The following ITPR1 variants were observed in gnomAD, a reference collection of about 807,000 sequenced individuals.
The protein encoded by ITPR1 is inositol 1,4,5-trisphosphate receptor type 1.
Under a neutral mutation model 318.4 loss-of-function variants are expected in ITPR1, and 96 were observed. The ratio of observed to expected loss-of-function variants is 0.30; its 90% confidence interval spans 0.26 to 0.36. ITPR1 has a LOEUF of 0.36. Ranked by LOEUF, ITPR1 falls within the 10% of genes least tolerant of loss-of-function variation. The pLI, the probability that ITPR1 is intolerant of heterozygous loss-of-function variation, is 1.00. For missense variants in ITPR1, 2,440 were observed against 3,460.2 expected, an observed-to-expected ratio of 0.71 and a Z score of 7.40; for synonymous variants, 1,312 against 1,289.9, an observed-to-expected ratio of 1.02 and a Z score of -0.37.
Position 4,782,753 on chromosome 3 carries a change from C to G in ITPR1, c.6510+12C>G. On this transcript the variant is annotated intron_variant, in intron 50 of 61. Transcript: ENST00000649015. ...TATTAGCCCATCAGGTATGATCTCTCCTGTGCCTCCTCTGGATGCTGCCTC... is the reference window on the plus strand; with the variant it reads ...TATTAGCCCATCAGGTATGATCTCTGCTGTGCCTCCTCTGGATGCTGCCTC... 1 of 1,470,968 alleles carries G rather than the reference C, an allele frequency of 6.8e-7. No individual in the cohort carries two copies. Among genetic ancestry groups the G allele is most frequent in the Non-Finnish European group, 9.0e-7 (1 of 1,105,348 alleles). 91.1% of individuals were successfully genotyped at this position (1,470,968 alleles called of 1,614,324 possible). A position where few individuals can be genotyped will look rare whatever the true frequency, so the allele number is the denominator to read the frequency against.
At chr3:4,581,885 A>C (rs1017781437) in intron 4 of ITPR1, among the ~76,000 whole-genome samples, 9 of 151,586 alleles carry the variant, frequency 5.9e-5, no homozygotes, top group Non-Finnish European at 1.0e-4. Context: ...TTTCTTTTTT[A>C]TTGCTTAAAA....
chr3:4,572,181 G>T (rs2088079663), intron 4 of ITPR1, among the ~76,000 whole-genome samples: 1 of 152,096 alleles, frequency 6.6e-6, no homozygotes, highest in African/African-American at 2.4e-5. Flanking sequence ...CTTCAGCCTA[G>T]ACTTCTCCCT....
At position 4,669,602 on chromosome 3, in the gene ITPR1, G is replaced by A. The variant is rs1478980957; in HGVS notation, c.1887-52G>A. 5 of 1,547,694 alleles carry A rather than the reference G, an allele frequency of 3.2e-6. No homozygotes were observed. In the African/African-American group the frequency reaches 5.4e-5, roughly 17 times the overall value. ...CTTAAGGAAGAATTGGGGTCCAGGAGCCTAACCTCTGCTCTATCTACAGAA... is the reference window on the plus strand; with the variant it reads ...CTTAAGGAAGAATTGGGGTCCAGGAACCTAACCTCTGCTCTATCTACAGAA... On this transcript the variant is annotated intron_variant, in intron 18 of 61. Transcript: ENST00000649015.
chr3:4,655,734 G>C (rs973712680), intron 12 of ITPR1, among the ~76,000 whole-genome samples: 9 of 152,162 alleles, frequency 5.9e-5, no homozygotes, highest in African/African-American at 1.9e-4. Flanking sequence ...GCGTCAGAGA[G>C]GCGGATGTGC....
chr3:4,699,552 G>A (rs535854610), intron 34 of ITPR1, among the ~76,000 whole-genome samples: 5 of 152,272 alleles, frequency 3.3e-5, no homozygotes, highest in East Asian at 3.9e-4. Flanking sequence ...CCAGACACAC[G>A]TAGGAAGCTG....
chr3:4,513,580 A>G (rs1339010975), intron 2 of ITPR1, among the ~76,000 whole-genome samples: 1 of 152,172 alleles, frequency 6.6e-6, no homozygotes, highest in Non-Finnish European at 1.5e-5. Context: ...TTATTCACTT[A>G]TCTCGGCCAC....
Position 4,688,503 on chromosome 3 carries a change from T to C in ITPR1, c.3711T>C (p.Asp1237=), listed in dbSNP as rs781522073. 9 of 1,613,962 alleles carry C rather than the reference T, an allele frequency of 5.6e-6. 1 individual carries two copies. In the South Asian group the frequency reaches 9.9e-5, roughly 18 times the overall value. Residue 1237 remains aspartate (D), a synonymous_variant, in exon 31 of 62, where the codon GAT becomes GAC. Coordinates refer to ENST00000649015, the MANE Select transcript of ITPR1 (RefSeq NM_001378452.1). ...LLQIPYEKAE[D]TKMQEIMRLA... is the part of the protein sequence containing the mutation. ...TGTCTCCTCCCACACAGGCCGAAGA[T>C]ACCAAGATGCAAGAGATAATGAGGT...
intron 2 of ITPR1, among the ~76,000 whole-genome samples, chr3:4,499,431 C>T (rs140645889): frequency 2.1e-4 from 32 of 152,174 alleles, no homozygotes; most frequent in African/African-American, 7.7e-4. Flanking sequence ...AATGTGCCTA[C>T]CCCTTTGATG....
At chr3:4,606,429 A>C (rs1324553886) in intron 4 of ITPR1, among the ~76,000 whole-genome samples, 2 of 152,144 alleles carry the variant, frequency 1.3e-5, no homozygotes, top group African/African-American at 2.4e-5. Context: ...AATCAGTGTG[A>C]AAGTTTATTT....
intron 40 of ITPR1, among the ~76,000 whole-genome samples, 151 bp downstream of exon 40, chr3:4,717,550 G>A (rs771641329): frequency 2.0e-5 from 3 of 152,096 alleles, no homozygotes; most frequent in African/African-American, 4.8e-5. Flanking sequence ...GGAGTCTGTC[G>A]TGTCTGTGTT....
chr3:4,785,643 G>C (rs13086041), intron 51 of ITPR1, among the ~76,000 whole-genome samples: 46,117 of 152,120 alleles, frequency 0.3, 7,265 homozygotes, highest in Non-Finnish European at 0.33. Context: ...TAAAAGGCGA[G>C]CTTTAGATGT....
At chr3:4,504,201 G>A (rs1287405138) in intron 2 of ITPR1, among the ~76,000 whole-genome samples, 1 of 152,152 alleles carries the variant, frequency 6.6e-6, no homozygotes. Context: ...CTTTTTTTGA[G>A]AAATAACTTT....
intron 4 of ITPR1, among the ~76,000 whole-genome samples, chr3:4,598,222 T>G (rs141084005): frequency 5.3e-5 from 8 of 152,356 alleles, no homozygotes; most frequent in African/African-American, 1.9e-4. Context: ...CTTCTGTGCA[T>G]GTCATATGGT....
At chr3:4,725,884 T>C (rs2042479438) in intron 41 of ITPR1, among the ~76,000 whole-genome samples, 1 of 152,210 alleles carries the variant, frequency 6.6e-6, no homozygotes, top group Non-Finnish European at 1.5e-5. Context: ...GTGAGGATGT[T>C]AAGACCTTTC....
At chr3:4,574,530 C>G (rs544514703) in intron 4 of ITPR1, among the ~76,000 whole-genome samples, 1 of 152,138 alleles carries the variant, frequency 6.6e-6, no homozygotes, top group Non-Finnish European at 1.5e-5. Flanking sequence ...GCTTTTCTTC[C>G]CAGTTTGTTT....
chr3:4,652,149 C>T lies in ITPR1; in HGVS notation c.882C>T (p.Gly294=), dbSNP rs370157764. 2.4e-4 allele frequency: 391 copies of T among 1,612,718 alleles called. 3 individuals are homozygous for T. The highest frequency in any genetic ancestry group is 1.3e-3 in the South Asian group (114 of 90,524). The change falls in exon 11 of 62, where the codon GGC becomes GGT. Residue 294 remains glycine, a synonymous_variant. Transcript: ENST00000649015. ...TGGTCCAGCATGACCCATGTCGGGG[C>T]GGAGCAGGGTATTGGAACAGCCTTT... ...VEVVQHDPCR[G]GAGYWNSLFR...
At position 4,606,792 on chromosome 3, in the gene ITPR1, A is replaced by G. The variant is rs566636090; in HGVS notation, c.164-20971A>G. The stretch of plus-strand genomic sequence containing the variant: ...CTTGCATGACTCAGCTTTCAGGTTA[A>G]TTTTTTTCCTTTTTGGCATAATAAA... On this transcript the variant is annotated intron_variant, in intron 4 of 61. Transcript: ENST00000649015. 1.4e-3 allele frequency among the ~76,000 whole-genome samples: 213 copies of G among 152,052 alleles called. 1 individual carries two copies. The highest frequency in any genetic ancestry group is 2.6e-3 in the Non-Finnish European group (178 of 68,002).
intron 4 of ITPR1, among the ~76,000 whole-genome samples, chr3:4,620,336 G>A (rs1022458509): frequency 1.3e-4 from 20 of 152,138 alleles, no homozygotes; most frequent in African/African-American, 4.3e-4. Flanking sequence ...TCTCCTGCAG[G>A]GTTTGAGAAG....
intron 4 of ITPR1, among the ~76,000 whole-genome samples, chr3:4,550,002 A>G (rs1559429110): frequency 6.6e-6 from 1 of 152,202 alleles, no homozygotes; most frequent in Non-Finnish European, 1.5e-5. Context: ...CAACCCTTCA[A>G]TGCCTCTGTT....
Sources: allele counts gnomAD v4.1 joint callset (sites outside exome capture counted in the v4.1 genomes callset), GRCh38; gene constraint gnomAD v4.1.1; transcripts MANE v1.5; gene names NCBI Gene and HGNC (gene_info 2026-07-23, HGNC 2026-07-21).